FAIM: variants seen among roughly 807,000 people sequenced by gnomAD.
FAIM encodes Fas apoptotic inhibitory molecule.
Under a neutral mutation model 21.2 loss-of-function variants are expected in FAIM, and 14 were observed. The observed-to-expected ratio is 0.66, with a 90% confidence interval of 0.44 to 1.03. The LOEUF is 1.03. FAIM is among the 50% of genes least tolerant of loss of function. The probability of loss-of-function intolerance (pLI) is 0.00; values close to 1 mark genes in which losing one functional copy is unlikely to be tolerated. For synonymous variants in FAIM, 86 were observed against 80.4 expected, an observed-to-expected ratio of 1.07 and a Z score of -0.37; for missense variants, 222 against 247.1, an observed-to-expected ratio of 0.90 and a Z score of 0.68.
chr3:138,625,385 C>T (rs916147052), intron 4 of FAIM, among the ~76,000 whole-genome samples: 3 of 151,936 alleles, frequency 2.0e-5, no homozygotes, highest in African/African-American at 7.3e-5. Context: ...ATTGCTTGAG[C>T]CTGGGAGGCG....
chr3:138,621,152 C>A (rs2042880320), intron 2 of FAIM: 2 of 423,056 alleles, frequency 4.7e-6, no homozygotes. Context: ...CATTCTTAAT[C>A]CTATTAATAT....
intron 1 of FAIM, among the ~76,000 whole-genome samples, chr3:138,615,352 G>A (rs987771228): frequency 2.6e-5 from 4 of 152,210 alleles, no homozygotes. Flanking sequence ...AGAACATTTG[G>A]TGGGCATTTA....
At chr3:138,619,800 C>T in intron 2 of FAIM, 30 bp downstream of exon 2, 1 of 1,569,214 alleles carries the variant, frequency 6.4e-7, no homozygotes. Flanking sequence ...GTAAACTAGC[C>T]TTTGACATTT....
intron 1 of FAIM, among the ~76,000 whole-genome samples, chr3:138,619,183 T>C (rs1198389952): frequency 1.3e-5 from 2 of 152,258 alleles, no homozygotes; most frequent in Non-Finnish European, 2.9e-5. Context: ...TTTGAAGTTA[T>C]CTAAACAGAT....
At chr3:138,626,181 T>C (rs111490178) in intron 4 of FAIM, among the ~76,000 whole-genome samples, 11 of 152,312 alleles carry the variant, frequency 7.2e-5, no homozygotes, top group African/African-American at 2.4e-4. Flanking sequence ...AAGATGAACA[T>C]GCAGCAGCAA....
intron 5 of FAIM, 95 bp downstream of exon 5, chr3:138,629,251 C>T: frequency 9.7e-7 from 1 of 1,030,366 alleles, no homozygotes; most frequent in Non-Finnish European, 1.5e-6. Flanking sequence ...TATAATGAAT[C>T]AAGGCCCTCT....
intron 5 of FAIM, chr3:138,630,934 T>TA (rs763258010): frequency 3.3e-5 from 5 of 152,046 alleles, no homozygotes; most frequent in African/African-American, 4.8e-5. Context: ...ACCTAGGAGT[T>TA]AGAGACTAGT....
rs1341967961 is a variant in FAIM, at chr3:138,630,962, ACCCC to A, written c.456+1807_456+1810del. 2.6e-5 allele frequency: 4 copies of A among 151,794 alleles called. No homozygotes were observed. In the East Asian group the frequency reaches 7.8e-4, roughly 29 times the overall value. The allele number at this position is 151,794 out of a possible 1,614,324, so 9.4% of individuals were successfully genotyped here. On this transcript the variant is annotated intron_variant, in intron 5 of 5. Coordinates refer to ENST00000360570, the MANE Select transcript of FAIM (RefSeq NM_001033031.2). The stretch of plus-strand genomic sequence containing the variant: ...AGACTAGTCTGGGTGACATGGCGAA[ACCCC>A]TCTCTACTAAAAATACAAAAATTAA...
intron 1 of FAIM, among the ~76,000 whole-genome samples, chr3:138,611,458 A>C (rs577985288): frequency 6.6e-6 from 1 of 152,320 alleles, no homozygotes; most frequent in African/African-American, 2.4e-5. Flanking sequence ...GTACATTCAC[A>C]ATAGTGTGCG....
At chr3:138,626,647 A>C (rs557969767) in intron 4 of FAIM, among the ~76,000 whole-genome samples, 30 of 152,322 alleles carry the variant, frequency 2.0e-4, no homozygotes, top group Admixed American at 1.6e-3. Flanking sequence ...ATGCTGCATG[A>C]ATAGCTTTGT....
chr3:138,622,871 C>T lies in FAIM; in HGVS notation c.406+455C>T, dbSNP rs112326429. On this transcript the variant is annotated intron_variant, in intron 4 of 5. Transcript: ENST00000360570. The stretch of plus-strand genomic sequence containing the variant: ...CTGGCCAACATGGTGAAACCCCGTC[C>T]CTACTAAAAATACAAAAATTAGCAG... Among the ~76,000 whole-genome samples the T allele has an allele frequency of 3.5e-3, 528 of 151,716 alleles. 2 individuals carry two copies. Among genetic ancestry groups the T allele is most frequent in the African/African-American group, 0.012 (505 of 41,390 alleles).
intron 4 of FAIM, among the ~76,000 whole-genome samples, 184 bp from the exon 5 acceptor site, chr3:138,628,923 C>T (rs2042971463): frequency 1.3e-5 from 2 of 152,100 alleles, no homozygotes; most frequent in African/African-American, 2.4e-5. Context: ...ACAAACACAG[C>T]TTCTTCAAAT....
intron 4 of FAIM, among the ~76,000 whole-genome samples, chr3:138,627,997 A>C (rs1161883888): frequency 6.6e-6 from 1 of 151,950 alleles, no homozygotes; most frequent in African/African-American, 2.4e-5. Flanking sequence ...GTAATACCCA[A>C]AGCTCAACTT....
chr3:138,626,450 C>A (rs1272857875), intron 4 of FAIM, among the ~76,000 whole-genome samples: 2 of 152,214 alleles, frequency 1.3e-5, no homozygotes, highest in Non-Finnish European at 2.9e-5. Flanking sequence ...CATATTCTCT[C>A]TTACCACATA....
intron 4 of FAIM, among the ~76,000 whole-genome samples, chr3:138,624,890 G>A (rs977890899): frequency 8.5e-5 from 13 of 152,200 alleles, no homozygotes; most frequent in Admixed American, 2.6e-4. Context: ...TGTCAGCCAG[G>A]TGCAGTGGCT....
At chr3:138,632,282 A>G (rs1036248006) in intron 5 of FAIM, among the ~76,000 whole-genome samples, 1 of 151,996 alleles carries the variant, frequency 6.6e-6, no homozygotes, top group Admixed American at 6.6e-5. Context: ...TGTAATCAGT[A>G]TAAAAAGTTA....
Position 138,619,757 on chromosome 3 carries a change from GA to G in FAIM, c.33del (p.Asp12MetfsTer9), listed in dbSNP as rs779257835. MASGDDSPIF[E>X]DDESPPYSLE... is the part of the protein sequence containing the mutation. ...ATCTGGAGATGACAGTCCTATCTTT[GA>G]AGATGATGAAAGGTAAATGTCTTAT... On this transcript the variant is annotated frameshift_variant, in exon 2 of 6. Transcript: ENST00000360570. LOFTEE classifies it high-confidence loss of function. The G allele has an allele frequency of 6.2e-7, 1 of 1,613,482 alleles. No homozygotes were observed. Among genetic ancestry groups the G allele is most frequent in the Non-Finnish European group, 8.5e-7 (1 of 1,179,730 alleles).
chr3:138,632,340 T>C (rs912667319), intron 5 of FAIM, among the ~76,000 whole-genome samples: 1 of 151,452 alleles, frequency 6.6e-6, no homozygotes, highest in Non-Finnish European at 1.5e-5. Context: ...ATCCAGTGTC[T>C]ATTTTATATT....
rs1672935 is a variant in FAIM, at chr3:138,620,073, C to A, written c.44+303C>A. Reference sequence around the variant, plus strand: ...TCCATTTACCATCTTCAGTTTAGAGCGTACAGAGGAGATTAGGGCGAACAA... The same window carrying A: ...TCCATTTACCATCTTCAGTTTAGAGAGTACAGAGGAGATTAGGGCGAACAA... On this transcript the variant is annotated intron_variant, in intron 2 of 5. Transcript: ENST00000360570. Among the ~76,000 whole-genome samples the A allele has an allele frequency of 8.3e-3, 1,261 of 152,266 alleles. 26 individuals are homozygous for A. Among genetic ancestry groups the A allele is most frequent in the African/African-American group, 0.028 (1,174 of 41,536 alleles).
Sources: allele counts gnomAD v4.1 joint callset (sites outside exome capture counted in the v4.1 genomes callset), GRCh38; gene constraint gnomAD v4.1.1; transcripts MANE v1.5; gene names NCBI Gene and HGNC (gene_info 2026-07-23, HGNC 2026-07-21).